IMMP2L: variants seen among roughly 807,000 people sequenced by gnomAD.
IMMP2L encodes the protein mitochondrial inner membrane protease subunit 2.
In IMMP2L, 18 loss-of-function variants were observed where a neutral mutation model predicts 19.3. The observed-to-expected ratio is 0.93, with a 90% CI of 0.64 to 1.38. IMMP2L has a LOEUF of 1.38. IMMP2L is among the 40% of genes most tolerant of loss of function. The pLI, the probability that IMMP2L is intolerant of heterozygous loss-of-function variation, is 0.00. For synonymous variants in IMMP2L, 76 were observed against 73.0 expected (o/e 1.04, Z -0.21); for missense variants, 233 against 218.2 (o/e 1.07, Z -0.43).
At chr7:110,919,198 A>G (rs1432676909) in intron 4 of IMMP2L, among the ~76,000 whole-genome samples, 1 of 121,370 alleles carries the variant, frequency 8.2e-6, no homozygotes, top group Non-Finnish European at 1.6e-5. Context: ...TTTCAAATGT[A>G]ACTTTTATTT....
At chr7:111,024,273 C>T (rs1292963337) in intron 3 of IMMP2L, among the ~76,000 whole-genome samples, 1 of 152,136 alleles carries the variant, frequency 6.6e-6, no homozygotes, top group Non-Finnish European at 1.5e-5. Flanking sequence ...TATGTAAACA[C>T]CTGTTCTTTC....
chr7:110,942,823 G>A (rs886243493), intron 4 of IMMP2L, among the ~76,000 whole-genome samples: 16 of 151,938 alleles, frequency 1.1e-4, no homozygotes, highest in African/African-American at 3.4e-4. Flanking sequence ...AATGATTTTT[G>A]TAAGACTTTT....
At chr7:111,125,164 T>C (rs867820788) in intron 3 of IMMP2L, 6 of 352,866 alleles carry the variant, frequency 1.7e-5, no homozygotes, top group Admixed American at 8.9e-5. Flanking sequence ...GTAACTTTTA[T>C]GTCTGGACTA....
In IMMP2L at chr7:110,960,327, C is replaced by T. The variant is rs142179901; in HGVS notation, c.305+3173G>A. 1.8e-4 allele frequency among the ~76,000 whole-genome samples: 28 copies of T among 151,964 alleles called. No homozygotes were observed. The East Asian group carries it at 5.3e-3, about 28-fold the overall frequency. ...AGGACATTTTCATACTCCCCCAACA[C>T]AACAAAAACCTTATACTCATTAGCA... On this transcript the variant is annotated intron_variant, in intron 4 of 5. Transcript: ENST00000405709.
Position 110,886,516 on chromosome 7 carries a change from GA to G in IMMP2L, c.408+76del, listed in dbSNP as rs1387911222. On this transcript the variant is annotated intron_variant, in intron 5 of 5. Transcript: ENST00000405709. The stretch of plus-strand genomic sequence containing the variant: ...ATGATCAGTCTTGGCTGAGTTACCT[GA>G]ATAACCTATCTGACATAGTTTTGTT... The G allele has an allele frequency of 3.7e-6, 3 of 812,808 alleles. No individual in the cohort carries two copies. The African/African-American group carries it at 5.1e-5, about 14-fold the overall frequency. The allele number at this position is 812,808 out of a possible 1,614,324, so 50.3% of individuals were successfully genotyped here.
chr7:111,039,896 T>C (rs556208261), intron 3 of IMMP2L, among the ~76,000 whole-genome samples: 77 of 152,222 alleles, frequency 5.1e-4, no homozygotes, highest in African/African-American at 1.9e-3. Flanking sequence ...CTGGGCAGGG[T>C]GGTTCACACC....
chr7:111,009,396 C>T (rs116923074), intron 3 of IMMP2L, among the ~76,000 whole-genome samples: 2,670 of 151,974 alleles, frequency 0.018, 39 homozygotes, highest in Middle Eastern at 0.041. Flanking sequence ...TTTATTTTAG[C>T]TTTGATCTTA....
At chr7:111,039,031 G>A (rs1791623710) in intron 3 of IMMP2L, among the ~76,000 whole-genome samples, 1 of 151,840 alleles carries the variant, frequency 6.6e-6, no homozygotes, top group Non-Finnish European at 1.5e-5. Context: ...TGGGGAACAG[G>A]GGTCATTTCT....
intron 3 of IMMP2L, among the ~76,000 whole-genome samples, chr7:111,303,100 C>A (rs531062985): frequency 6.6e-6 from 1 of 151,690 alleles, no homozygotes; most frequent in Non-Finnish European, 1.5e-5. Flanking sequence ...ACCCAGGACT[C>A]AAATGTTTAA....
chr7:111,239,017 T>C (rs963066496), intron 3 of IMMP2L, among the ~76,000 whole-genome samples: 1 of 151,966 alleles, frequency 6.6e-6, no homozygotes, highest in Non-Finnish European at 1.5e-5. Context: ...TCACCAATAG[T>C]GAAAACCATT....
At chr7:110,718,225 C>T (rs1285132581) in intron 5 of IMMP2L, among the ~76,000 whole-genome samples, 1 of 152,120 alleles carries the variant, frequency 6.6e-6, no homozygotes, top group Non-Finnish European at 1.5e-5. Context: ...GAAATACAGG[C>T]ATGATTTCTG....
chr7:111,186,674 G>A (rs1458340481), intron 3 of IMMP2L, among the ~76,000 whole-genome samples: 4 of 151,960 alleles, frequency 2.6e-5, no homozygotes, highest in African/African-American at 7.3e-5. Context: ...CAGGTGATCC[G>A]CCCACCTCAG....
intron 4 of IMMP2L, among the ~76,000 whole-genome samples, chr7:110,930,935 T>C (rs1329141379): frequency 6.6e-6 from 1 of 152,230 alleles, no homozygotes; most frequent in Non-Finnish European, 1.5e-5. Context: ...ATTATCAATA[T>C]ACAATGGTTG....
At chr7:111,101,015 C>A (rs1797911813) in intron 3 of IMMP2L, among the ~76,000 whole-genome samples, 1 of 151,318 alleles carries the variant, frequency 6.6e-6, no homozygotes, top group Admixed American at 6.6e-5. Flanking sequence ...AAGAATTTTT[C>A]CTGTCCAGAA....
At chr7:110,816,400 T>A (rs1174011782) in intron 5 of IMMP2L, among the ~76,000 whole-genome samples, 10 of 152,116 alleles carry the variant, frequency 6.6e-5, no homozygotes, top group Non-Finnish European at 1.2e-4. Flanking sequence ...GTGTTCAAAT[T>A]TGGAATAGGT....
chr7:111,398,428 T>A (rs1833085582), intron 3 of IMMP2L, among the ~76,000 whole-genome samples: 1 of 152,072 alleles, frequency 6.6e-6, no homozygotes, highest in Non-Finnish European at 1.5e-5. Context: ...CAGCATCCGT[T>A]TATGATTAAA....
chr7:110,931,519 C>T (rs1339125895), intron 4 of IMMP2L, among the ~76,000 whole-genome samples: 4 of 152,076 alleles, frequency 2.6e-5, no homozygotes, highest in South Asian at 2.1e-4. Flanking sequence ...TACTTCAGCC[C>T]GTATGTCTAA....
intron 5 of IMMP2L, among the ~76,000 whole-genome samples, chr7:110,684,285 A>C (rs1792946931): frequency 6.6e-6 from 1 of 152,116 alleles, no homozygotes; most frequent in Non-Finnish European, 1.5e-5. Flanking sequence ...AACAGCAATA[A>C]GTCTTAATTC....
chr7:111,516,344 T>A, intron 2 of IMMP2L, among the ~76,000 whole-genome samples: 1 of 147,488 alleles, frequency 6.8e-6, no homozygotes, highest in East Asian at 2.0e-4. Context: ...CACGCATAAA[T>A]ACAGAGGGAG....
Sources: gnomAD v4.1 joint callset for allele counts (sites outside exome capture counted in the v4.1 genomes callset) on GRCh38, gnomAD v4.1.1 for gene constraint, MANE v1.5 for transcripts, NCBI Gene and HGNC (gene_info 2026-07-23, HGNC 2026-07-21) for gene names.